TENM4: variants seen among roughly 807,000 people sequenced by gnomAD.
TENM4 encodes the protein teneurin transmembrane protein 4, also known as teneurin-4.
TENM4 carries 82 observed loss-of-function variants against 243.3 expected under a neutral mutation model. The ratio of observed to expected loss-of-function variants is 0.34; its 90% CI spans 0.28 to 0.40. The LOEUF is 0.40. TENM4 is among the 10% of genes least tolerant of loss of function. The pLI is 1.00. For synonymous variants in TENM4, 1,412 were observed against 1,456.3 expected, an observed-to-expected ratio of 0.97 and a Z score of 0.69; for missense variants, 3,138 against 3,673.3, an observed-to-expected ratio of 0.85 and a Z score of 3.77.
chr11:78,891,405 A>G, intron 7 of TENM4, 69 bp from the exon 8 acceptor site: 1 of 1,404,226 alleles, frequency 7.1e-7, no homozygotes, highest in Non-Finnish European at 9.8e-7. Context: ...GTAGAGAAAC[A>G]CACAAAGTGG....
intron 6 of TENM4, among the ~76,000 whole-genome samples, chr11:78,920,604 C>T (rs1280825698): frequency 6.6e-6 from 1 of 151,724 alleles, no homozygotes; most frequent in Non-Finnish European, 1.5e-5. Flanking sequence ...TTTTTTTTCT[C>T]CCCGAGGATG....
intron 3 of TENM4, among the ~76,000 whole-genome samples, chr11:79,159,590 A>G (rs942459378): frequency 1.3e-5 from 2 of 152,084 alleles, no homozygotes; most frequent in African/African-American, 4.8e-5. Flanking sequence ...TTATAATTAC[A>G]TGACTCTTCC....
chr11:79,299,019 A>G (rs145679906), intron 1 of TENM4, among the ~76,000 whole-genome samples: 1 of 152,282 alleles, frequency 6.6e-6, no homozygotes, highest in African/African-American at 2.4e-5. Flanking sequence ...CATTAAAACC[A>G]TTCGGACAAT....
At chr11:79,165,039 T>C (rs1411720617) in intron 3 of TENM4, among the ~76,000 whole-genome samples, 1 of 151,828 alleles carries the variant, frequency 6.6e-6, no homozygotes, top group African/African-American at 2.4e-5. Flanking sequence ...ATCCACTCAT[T>C]GACTGATGAG....
At chr11:79,426,188 T>C (rs2135598919) in intron 1 of TENM4, among the ~76,000 whole-genome samples, 1 of 152,358 alleles carries the variant, frequency 6.6e-6, no homozygotes, top group Non-Finnish European at 1.5e-5. Flanking sequence ...CTATTAAAAA[T>C]GTTAGCTAAC....
intron 2 of TENM4, among the ~76,000 whole-genome samples, chr11:79,260,822 GTTC>G (rs1215249456): frequency 6.6e-6 from 1 of 152,140 alleles, no homozygotes; most frequent in Non-Finnish European, 1.5e-5. Context: ...CTGGCCTGAG[GTTC>G]TTCTGGGGAT....
intron 6 of TENM4, among the ~76,000 whole-genome samples, chr11:78,992,971 C>T (rs1226991561): frequency 6.6e-6 from 1 of 152,134 alleles, no homozygotes; most frequent in Admixed American, 6.5e-5. Flanking sequence ...GGTTCCACTG[C>T]TTCTTGGTGT....
intron 1 of TENM4, among the ~76,000 whole-genome samples, chr11:79,366,564 C>T (rs1386033801): frequency 2.6e-5 from 4 of 152,170 alleles, no homozygotes. Flanking sequence ...CTCTCTGCTT[C>T]AGGAGCAATT....
intron 4 of TENM4, among the ~76,000 whole-genome samples, chr11:79,122,526 G>A (rs867014411): frequency 6.6e-6 from 1 of 152,200 alleles, no homozygotes; most frequent in African/African-American, 2.4e-5. Context: ...ACAGAGAGGG[G>A]ACTGGATTCA....
intron 1 of TENM4, among the ~76,000 whole-genome samples, chr11:79,366,474 G>T (rs1405728580): frequency 6.6e-6 from 1 of 152,264 alleles, no homozygotes; most frequent in Non-Finnish European, 1.5e-5. Flanking sequence ...ACTAGCCCCT[G>T]CAGCCAGTGC....
chr11:78,770,137 T>C (rs1265914849), intron 18 of TENM4, among the ~76,000 whole-genome samples: 3 of 152,382 alleles, frequency 2.0e-5, no homozygotes, highest in African/African-American at 7.2e-5. Flanking sequence ...TTTATCTTTT[T>C]ATTCTCCTAA....
At chr11:79,335,668 C>T (rs1277895028) in intron 1 of TENM4, among the ~76,000 whole-genome samples, 3 of 152,184 alleles carry the variant, frequency 2.0e-5, no homozygotes, top group African/African-American at 7.2e-5. Context: ...TTCATGAGGT[C>T]TGTTCCACCT....
At chr11:78,755,786 T>C (rs559222055) in intron 19 of TENM4, among the ~76,000 whole-genome samples, 22 of 152,212 alleles carry the variant, frequency 1.4e-4, no homozygotes, top group African/African-American at 4.8e-4. Context: ...AGCTTGAAAA[T>C]GTCCCTTACC....
At chr11:79,376,159 C>A (rs772948296) in intron 1 of TENM4, among the ~76,000 whole-genome samples, 1 of 152,230 alleles carries the variant, frequency 6.6e-6, no homozygotes, top group Non-Finnish European at 1.5e-5. Flanking sequence ...ACAGGGAACG[C>A]ATCCAATGGA....
intron 11 of TENM4, 110 bp downstream of exon 11, chr11:78,855,854 A>G: frequency 9.6e-7 from 1 of 1,044,322 alleles, no homozygotes; most frequent in Non-Finnish European, 1.4e-6. Context: ...GCTATAAAAT[A>G]TATAAATGTC....
At chr11:78,738,763 G>T (rs545677039) in intron 19 of TENM4, among the ~76,000 whole-genome samples, 193 bp from the exon 20 acceptor site, 3 of 152,188 alleles carry the variant, frequency 2.0e-5, no homozygotes, top group East Asian at 3.8e-4. Context: ...GCATCAAAGT[G>T]TCCTTGAGAG....
chr11:79,315,444 A>G (rs563047166), intron 1 of TENM4, among the ~76,000 whole-genome samples: 1 of 152,338 alleles, frequency 6.6e-6, no homozygotes, highest in South Asian at 2.1e-4. Flanking sequence ...CATGTCTTGC[A>G]GAGAGGTCAA....
chr11:79,008,650 C>T (rs1167694207), intron 6 of TENM4, among the ~76,000 whole-genome samples: 1 of 152,126 alleles, frequency 6.6e-6, no homozygotes, highest in South Asian at 2.1e-4. Flanking sequence ...GTACTATTTT[C>T]CATACTGTGG....
intron 2 of TENM4, among the ~76,000 whole-genome samples, chr11:79,271,556 T>TCCCTCATGAGGGGAAAGGCAGGGCCAG (rs1855969427): frequency 7.9e-5 from 12 of 152,162 alleles, no homozygotes; most frequent in Admixed American, 4.6e-4. Context: ...CTCCTTACCT[T>TCCCTCATGAGGGGAAAGGCAGGGCCAG]CCCTCATGAG....
Sources: gnomAD v4.1 joint callset for allele counts (sites outside exome capture counted in the v4.1 genomes callset) on GRCh38, gnomAD v4.1.1 for gene constraint, MANE v1.5 for transcripts, NCBI Gene and HGNC (gene_info 2026-07-23, HGNC 2026-07-21) for gene names.